The following NPAS3 variants were observed in gnomAD, a reference collection of about 807,000 sequenced individuals.
NPAS3 encodes the protein neuronal PAS domain-containing protein 3.
Under a neutral mutation model 73.1 loss-of-function variants are expected in NPAS3, and 14 were observed. The ratio of observed to expected loss-of-function variants is 0.19; its 90% CI spans 0.13 to 0.30. NPAS3 has a LOEUF of 0.30. NPAS3 is among the 10% of genes least tolerant of loss of function. The pLI, the probability that NPAS3 is intolerant of heterozygous loss-of-function variation, is 1.00. For synonymous variants in NPAS3, 620 were observed against 541.5 expected, an observed-to-expected ratio of 1.14 and a Z score of -2.01; for missense variants, 1,096 against 1,250.0, an observed-to-expected ratio of 0.88 and a Z score of 1.86.
At chr14:33,011,385 C>T (rs760951008) in intron 1 of NPAS3, among the ~76,000 whole-genome samples, 7 of 152,134 alleles carry the variant, frequency 4.6e-5, no homozygotes, top group Non-Finnish European at 7.3e-5. Flanking sequence ...GGCACATTCA[C>T]ACACCCACAC....
chr14:33,451,863 T>G (rs190102906), intron 4 of NPAS3, among the ~76,000 whole-genome samples: 1 of 152,280 alleles, frequency 6.6e-6, no homozygotes, highest in African/African-American at 2.4e-5. Context: ...AAATCTTCCT[T>G]TCCTATAAAA....
intron 3 of NPAS3, among the ~76,000 whole-genome samples, chr14:33,232,785 G>A (rs559956469): frequency 9.9e-5 from 15 of 152,152 alleles, no homozygotes; most frequent in East Asian, 5.8e-4. Context: ...CAAAATTGTC[G>A]AACAGTAGTA....
intron 4 of NPAS3, among the ~76,000 whole-genome samples, chr14:33,454,298 T>C (rs1422416833): frequency 6.6e-6 from 1 of 152,204 alleles, no homozygotes; most frequent in Non-Finnish European, 1.5e-5. Flanking sequence ...AGATAGAAAA[T>C]GTGGAAAAGC....
intron 5 of NPAS3, among the ~76,000 whole-genome samples, chr14:33,567,629 C>T (rs958868881): frequency 2.0e-5 from 3 of 152,190 alleles, no homozygotes; most frequent in Non-Finnish European, 4.4e-5. Flanking sequence ...ATCCGAATTT[C>T]CAGCATTAGA....
intron 6 of NPAS3, among the ~76,000 whole-genome samples, chr14:33,716,918 C>A (rs2060972925): frequency 6.6e-6 from 1 of 152,030 alleles, no homozygotes; most frequent in Non-Finnish European, 1.5e-5. Context: ...CATATATAAT[C>A]TTTACATTTT....
At chr14:33,395,416 T>C (rs934602692) in intron 4 of NPAS3, among the ~76,000 whole-genome samples, 5 of 151,924 alleles carry the variant, frequency 3.3e-5, no homozygotes, top group Non-Finnish European at 5.9e-5. Flanking sequence ...GTTTTTTTTT[T>C]ACCTTGGTAA....
intron 1 of NPAS3, among the ~76,000 whole-genome samples, chr14:33,017,378 T>C (rs772992736): frequency 3.3e-5 from 5 of 152,194 alleles, no homozygotes; most frequent in Non-Finnish European, 7.4e-5. Flanking sequence ...ATAGTGTATC[T>C]CAGTTTATGC....
At chr14:33,341,255 T>G (rs1004352021) in intron 3 of NPAS3, among the ~76,000 whole-genome samples, 2 of 152,192 alleles carry the variant, frequency 1.3e-5, no homozygotes, top group Admixed American at 6.5e-5. Flanking sequence ...TACATTTTAG[T>G]GGTACCTGCT....
At chr14:33,095,709 C>A (rs2042392329) in intron 2 of NPAS3, among the ~76,000 whole-genome samples, 1 of 135,142 alleles carries the variant, frequency 7.4e-6, no homozygotes, top group African/African-American at 2.9e-5. Flanking sequence ...CGCTCTGTCG[C>A]CCAGGCTGGA....
chr14:33,729,534 C>A (rs891755791), intron 6 of NPAS3, among the ~76,000 whole-genome samples: 1 of 152,074 alleles, frequency 6.6e-6, no homozygotes, highest in Non-Finnish European at 1.5e-5. Context: ...AGATGGCAGC[C>A]GGAGCACAGT....
At position 33,528,482 on chromosome 14, in the gene NPAS3, G is replaced by A. The variant is rs138600077; in HGVS notation, c.469-31639G>A. Among the ~76,000 whole-genome samples, 31 of 152,092 alleles carry A rather than the reference G, an allele frequency of 2.0e-4. No homozygotes were observed. The East Asian group carries it at 6.0e-3, about 29-fold the overall frequency. ...CAACAATAGACTATGATCAAGTGAA[G>A]ACATAACAAAGAGGAGGGAGTGGTC... On this transcript the variant is annotated intron_variant, in intron 4 of 11. Coordinates refer to ENST00000356141, the Ensembl canonical transcript of NPAS3.
intron 2 of NPAS3, among the ~76,000 whole-genome samples, chr14:33,184,011 C>T (rs1183613052): frequency 2.0e-5 from 3 of 152,182 alleles, no homozygotes; most frequent in African/African-American, 4.8e-5. Context: ...CTAGTGAAAC[C>T]TTCCTTGATC....
intron 2 of NPAS3, among the ~76,000 whole-genome samples, chr14:33,086,907 A>T (rs2138768002): frequency 6.6e-6 from 1 of 152,100 alleles, no homozygotes; most frequent in East Asian, 1.9e-4. Flanking sequence ...GCATTACCTG[A>T]AAATAGAGCC....
intron 3 of NPAS3, among the ~76,000 whole-genome samples, chr14:33,259,463 G>T: frequency 6.6e-6 from 1 of 152,086 alleles, no homozygotes; most frequent in East Asian, 1.9e-4. Flanking sequence ...TATTTTCTAA[G>T]TGCTTCTTTT....
chr14:33,500,780 A>G (rs1035273558), intron 4 of NPAS3, among the ~76,000 whole-genome samples: 1 of 151,916 alleles, frequency 6.6e-6, no homozygotes, highest in Non-Finnish European at 1.5e-5. Context: ...TTTTTGGTAG[A>G]ATATGATCTC....
intron 11 of NPAS3, among the ~76,000 whole-genome samples, chr14:33,797,863 C>T (rs374047994): frequency 4.8e-5 from 7 of 144,988 alleles, no homozygotes; most frequent in Admixed American, 2.0e-4. Context: ...TATATATATA[C>T]ATATATATAT....
intron 4 of NPAS3, among the ~76,000 whole-genome samples, chr14:33,428,468 G>A (rs183601030): frequency 6.6e-6 from 1 of 152,114 alleles, no homozygotes; most frequent in African/African-American, 2.4e-5. Context: ...ACCTATGTTT[G>A]CTGGTTCTAA....
At chr14:33,760,113 C>T (rs2062237428) in intron 7 of NPAS3, among the ~76,000 whole-genome samples, 1 of 152,172 alleles carries the variant, frequency 6.6e-6, no homozygotes, top group Admixed American at 6.5e-5. Context: ...GCACCACCCC[C>T]TGGCCAAAAG....
chr14:33,510,835 C>A (rs908010257), intron 4 of NPAS3, among the ~76,000 whole-genome samples: 4 of 152,042 alleles, frequency 2.6e-5, no homozygotes, highest in Admixed American at 6.6e-5. Context: ...GCAAAACGTA[C>A]CCCCTCAGGC....
Sources: gnomAD v4.1 joint callset for allele counts (sites outside exome capture counted in the v4.1 genomes callset) on GRCh38, gnomAD v4.1.1 for gene constraint, MANE v1.5 for transcripts, NCBI Gene and HGNC (gene_info 2026-07-23, HGNC 2026-07-21) for gene names.